Variants in IL20RB observed in about 807,000 individuals in gnomAD.
IL20RB encodes the protein interleukin 20 receptor subunit beta, also known as interleukin-20 receptor subunit beta.
Under a neutral mutation model 33.3 loss-of-function variants are expected in IL20RB, and 21 were observed. That is an observed-to-expected ratio of 0.63 (90% CI 0.45 to 0.91). The LOEUF (loss-of-function observed/expected upper bound fraction) is 0.91. Ranked by LOEUF, IL20RB falls within the 40% of genes least tolerant of loss-of-function variation. The pLI, the probability that IL20RB is intolerant of heterozygous loss-of-function variation, is 0.00. For synonymous variants in IL20RB, 147 were observed against 146.8 expected (o/e 1.00, Z -0.01); for missense variants, 345 against 384.8 (o/e 0.90, Z 0.86).
At chr3:136,978,454 C>T (rs746096720) in intron 1 of IL20RB, among the ~76,000 whole-genome samples, 28 of 152,190 alleles carry the variant, frequency 1.8e-4, no homozygotes, top group Admixed American at 1.2e-3. Flanking sequence ...TGTGAGCCAC[C>T]GCACCTGGCC....
At chr3:136,966,124 C>T (rs1349581361) in intron 1 of IL20RB, among the ~76,000 whole-genome samples, 1 of 140,848 alleles carries the variant, frequency 7.1e-6, no homozygotes, top group East Asian at 2.2e-4. Flanking sequence ...ATTTTTGCAT[C>T]AATGTTCATC....
At chr3:136,980,203 G>A in intron 1 of IL20RB, 1 of 484,328 alleles carries the variant, frequency 2.1e-6, no homozygotes, top group Non-Finnish European at 3.7e-6. Flanking sequence ...TATCAACAAA[G>A]TCAGAATTAT....
Position 136,970,577 on chromosome 3 carries a change from C to G in IL20RB, c.89-9889C>G, listed in dbSNP as rs374206563. 5.3e-5 allele frequency among the ~76,000 whole-genome samples: 8 copies of G among 152,212 alleles called. No individual in the cohort carries two copies. The East Asian group carries it at 1.2e-3, about 22-fold the overall frequency. ...TGGAATTGGGTAGATTGATTCCTCT[C>G]ACTTTATAATTAAAATGGTTTTAGT... On this transcript the variant is annotated intron_variant, in intron 1 of 6. Coordinates refer to ENST00000329582, the MANE Select transcript of IL20RB (RefSeq NM_144717.4).
intron 3 of IL20RB, among the ~76,000 whole-genome samples, chr3:136,983,181 G>A (rs1941823390): frequency 1.3e-5 from 2 of 151,976 alleles, no homozygotes; most frequent in Admixed American, 1.3e-4. Flanking sequence ...TCTGTCTCCT[G>A]GGTTCAAGTG....
chr3:136,959,746 G>T (rs1274882905), intron 1 of IL20RB, among the ~76,000 whole-genome samples: 1 of 152,208 alleles, frequency 6.6e-6, no homozygotes, highest in Non-Finnish European at 1.5e-5. Context: ...AAAAACCTCA[G>T]TGGTGAAATC....
intron 2 of IL20RB, among the ~76,000 whole-genome samples, chr3:136,981,229 A>G (rs1290932796): frequency 6.7e-6 from 1 of 150,192 alleles, no homozygotes; most frequent in East Asian, 2.0e-4. Flanking sequence ...AGCATTCTCT[A>G]GTATGGTAGC....
Position 136,989,526 on chromosome 3 carries a change from G to T in IL20RB, c.492G>T (p.Glu164Asp). The T allele has an allele frequency of 6.2e-7, 1 of 1,614,074 alleles. No individual in the cohort carries two copies. Among genetic ancestry groups the T allele is most frequent in the Non-Finnish European group, 8.5e-7 (1 of 1,179,966 alleles). Reference sequence around the variant, plus strand: ...TGGAGGACCTGGGGCCCCAGTTTGAGTTCCTTGTGGCCTACTGGAGGAGGG... The same window carrying T: ...TGGAGGACCTGGGGCCCCAGTTTGATTTCCTTGTGGCCTACTGGAGGAGGG... ...IELEDLGPQF[E>D]FLVAYWRREP... Residue 164 changes from glutamate to aspartate, a missense_variant, in exon 4 of 7, where the codon GAG becomes GAT. By Grantham distance (45) the Glu-to-Asp change is conservative. Transcript: ENST00000329582.
intron 1 of IL20RB, among the ~76,000 whole-genome samples, chr3:136,960,557 A>AT (rs1459237820): frequency 6.6e-6 from 1 of 152,246 alleles, no homozygotes; most frequent in African/African-American, 2.4e-5. Context: ...TGACAATCAC[A>AT]ACTGCTATTT....
chr3:136,999,569 T>C (rs144382459), intron 6 of IL20RB, among the ~76,000 whole-genome samples: 1 of 151,866 alleles, frequency 6.6e-6, no homozygotes, highest in African/African-American at 2.4e-5. Context: ...TTTTTTTTTT[T>C]TTGTCTCATT....
At chr3:136,997,695 T>A (rs1175729592) in intron 6 of IL20RB, among the ~76,000 whole-genome samples, 1 of 152,084 alleles carries the variant, frequency 6.6e-6, no homozygotes, top group Non-Finnish European at 1.5e-5. Flanking sequence ...CAGCATATAG[T>A]CAGTCTTTTC....
chr3:136,990,110 C>A (rs1942001652), intron 4 of IL20RB, among the ~76,000 whole-genome samples: 1 of 151,844 alleles, frequency 6.6e-6, no homozygotes, highest in Admixed American at 6.6e-5. Flanking sequence ...GGGAAGGGTG[C>A]TACAGCCTGG....
chr3:137,001,777 T>A (rs1400989396), intron 6 of IL20RB, among the ~76,000 whole-genome samples: 1 of 151,780 alleles, frequency 6.6e-6, no homozygotes, highest in Non-Finnish European at 1.5e-5. Flanking sequence ...AATAATCTTT[T>A]ATTATTATTA....
intron 2 of IL20RB, 153 bp from the exon 3 acceptor site, chr3:136,982,007 T>G: frequency 2.1e-6 from 1 of 472,888 alleles, no homozygotes; most frequent in South Asian, 5.0e-5. Context: ...GATGGATGGT[T>G]GGTAGGGAGG....
intron 1 of IL20RB, among the ~76,000 whole-genome samples, chr3:136,961,710 T>C (rs1025039829): frequency 2.0e-5 from 3 of 152,202 alleles, no homozygotes; most frequent in African/African-American, 7.2e-5. Context: ...GTTTAGTTAA[T>C]GATAATGTGC....
intron 1 of IL20RB, among the ~76,000 whole-genome samples, chr3:136,973,666 G>T (rs1269825778): frequency 2.6e-5 from 4 of 152,034 alleles, no homozygotes; most frequent in Non-Finnish European, 4.4e-5. Flanking sequence ...GGGTGTTAAA[G>T]TCCCCCATCC....
intron 6 of IL20RB, among the ~76,000 whole-genome samples, 158 bp downstream of exon 6, chr3:136,995,714 A>T (rs1942114481): frequency 1.3e-5 from 2 of 152,188 alleles, no homozygotes; most frequent in Non-Finnish European, 2.9e-5. Flanking sequence ...TTCATTTCTA[A>T]CTAGAGGTAC....
Position 137,010,639 on chromosome 3 carries a change from T to A in IL20RB, c.*416T>A, listed in dbSNP as rs1933072916. The stretch of plus-strand genomic sequence containing the variant: ...GGGAAACTGGTGACACTCTACAGTC[T>A]GACTGATTCAGTGTTTCTGGAGAGC... On this transcript the variant is annotated 3_prime_UTR_variant, in exon 7 of 7. Transcript: ENST00000329582. 2 of 156,730 alleles carry A rather than the reference T, an allele frequency of 1.3e-5. No homozygotes were observed. The highest frequency in any genetic ancestry group is 2.8e-5 in the Non-Finnish European group (2 of 70,986). 9.7% of individuals were successfully genotyped at this position (156,730 alleles called of 1,614,324 possible). A position where few individuals can be genotyped will look rare whatever the true frequency, so the allele number is the denominator to read the frequency against.
chr3:136,995,640 C>T, intron 6 of IL20RB, 84 bp downstream of exon 6: 1 of 1,324,990 alleles, frequency 7.5e-7, no homozygotes. Context: ...CACATGTTTC[C>T]ATGTTTCTAT....
At chr3:136,979,766 C>T (rs1941722371) in intron 1 of IL20RB, among the ~76,000 whole-genome samples, 1 of 152,216 alleles carries the variant, frequency 6.6e-6, no homozygotes, top group African/African-American at 2.4e-5. Flanking sequence ...ACTCTCTCCA[C>T]AGCAGATCTG....
Sources: gnomAD v4.1 joint callset for allele counts (sites outside exome capture counted in the v4.1 genomes callset) on GRCh38, gnomAD v4.1.1 for gene constraint, MANE v1.5 for transcripts, NCBI Gene and HGNC (gene_info 2026-07-23, HGNC 2026-07-21) for gene names.